The following GNRHR variants were observed in gnomAD, a reference collection of about 807,000 sequenced individuals.
GNRHR encodes the protein gonadotropin-releasing hormone receptor.
In GNRHR, 14 loss-of-function variants were observed where a neutral mutation model predicts 28.1. The observed-to-expected ratio is 0.50, with a 90% confidence interval of 0.33 to 0.78. The LOEUF is 0.78. GNRHR is among the 30% of genes least tolerant of loss of function. The pLI, the probability that GNRHR is intolerant of heterozygous loss-of-function variation, is 0.02. For missense variants in GNRHR, 366 were observed against 382.1 expected (o/e 0.96, Z 0.35); for synonymous variants, 141 against 140.5 (o/e 1.00, Z -0.02).
At chr4:67,753,004 T>G (rs1352642552) in intron 1 of GNRHR, among the ~76,000 whole-genome samples, 1 of 152,236 alleles carries the variant, frequency 6.6e-6, no homozygotes, top group Admixed American at 6.5e-5. Context: ...TTTGTTATTT[T>G]CAAGAATTTG....
intron 2 of GNRHR, among the ~76,000 whole-genome samples, 153 bp downstream of exon 2, chr4:67,744,415 A>T (rs1478785908): frequency 1.3e-5 from 2 of 152,238 alleles, no homozygotes; most frequent in East Asian, 3.8e-4. Context: ...CCATAATAAA[A>T]ATATTACCTT....
At chr4:67,753,776 A>T (rs1731913015) in intron 1 of GNRHR, 38 bp downstream of exon 1, 1 of 1,528,304 alleles carries the variant, frequency 6.5e-7, no homozygotes, top group African/African-American at 1.4e-5. Context: ...GAAATCTATG[A>T]TCACCATATC....
chr4:67,753,756 A>T, intron 1 of GNRHR, 58 bp downstream of exon 1: 1 of 1,427,114 alleles, frequency 7.0e-7, no homozygotes, highest in Non-Finnish European at 9.8e-7. Flanking sequence ...CTTATATCAA[A>T]TTTAGATAGG....
At chr4:67,751,543 C>G (rs1318334581) in intron 1 of GNRHR, 1 of 152,128 alleles carries the variant, frequency 6.6e-6, no homozygotes, top group East Asian at 1.9e-4. Flanking sequence ...ACATGAAATT[C>G]CTAAACAATT....
chr4:67,751,172 T>C (rs1191727104), intron 1 of GNRHR, among the ~76,000 whole-genome samples: 2 of 152,152 alleles, frequency 1.3e-5, no homozygotes, highest in African/African-American at 4.8e-5. Context: ...TTCATCAAAA[T>C]TTTTTCTCAG....
chr4:67,743,736 G>A (rs917241361), intron 2 of GNRHR, among the ~76,000 whole-genome samples: 3 of 151,900 alleles, frequency 2.0e-5, no homozygotes, highest in Admixed American at 6.6e-5. Flanking sequence ...GGAATCTCTC[G>A]AGATAAGATT....
intron 1 of GNRHR, among the ~76,000 whole-genome samples, chr4:67,751,182 G>GT (rs1424440537): frequency 3.3e-5 from 5 of 152,128 alleles, no homozygotes; most frequent in Non-Finnish European, 5.9e-5. Context: ...TTTTTTCTCA[G>GT]TTATATGTGT....
In GNRHR at chr4:67,744,568, C is replaced by CGTGG. The variant is rs771237011; in HGVS notation, c.738_741dup (p.Glu248ProfsTer47). On this transcript the variant is annotated frameshift_variant and splice_region_variant, in exon 2 of 3. Transcript: ENST00000226413. LOFTEE classifies it high-confidence loss of function. Reference sequence around the variant, plus strand: ...GACACTAACTCTAAGGAATACATACCGTGGGGGTCCTGATGAAGGACCCGT... The same window carrying CGTGG: ...GACACTAACTCTAAGGAATACATACCGTGGGTGGGGGTCCTGATGAAGGACCCGT... The CGTGG allele has an allele frequency of 2.6e-6, 4 of 1,556,422 alleles. No homozygotes were observed. Among genetic ancestry groups the CGTGG allele is most frequent in the Non-Finnish European group, 3.5e-6 (4 of 1,127,414 alleles).
intron 1 of GNRHR, among the ~76,000 whole-genome samples, chr4:67,750,763 CAAAG>C (rs1731851641): frequency 6.6e-6 from 1 of 151,718 alleles, no homozygotes; most frequent in East Asian, 1.9e-4. Context: ...GTATGTGCAC[CAAAG>C]GATGAAAATT....
intron 1 of GNRHR, among the ~76,000 whole-genome samples, chr4:67,750,693 A>T (rs1343851355): frequency 6.6e-6 from 1 of 152,080 alleles, no homozygotes; most frequent in Admixed American, 6.6e-5. Context: ...TGGTGAAAAC[A>T]TGTTTGTTAA....
At position 67,751,929 on chromosome 4, in the gene GNRHR, A is replaced by G. The variant is rs1026546368; in HGVS notation, c.522+1885T>C. Among the ~76,000 whole-genome samples the G allele has an allele frequency of 7.9e-5, 12 of 152,106 alleles. 1 individual carries two copies. The highest frequency in any genetic ancestry group is 1.8e-4 in the Non-Finnish European group (12 of 68,006). On this transcript the variant is annotated intron_variant, in intron 1 of 2. Transcript: ENST00000226413. ...CTACAAACAAACAGGCAGACAAACA[A>G]ACACTCCCCTTCCCACCGGATCATT...
chr4:67,740,785 A>G (rs1412538625), intron 2 of GNRHR, 61 bp from the exon 3 acceptor site: 9 of 1,250,904 alleles, frequency 7.2e-6, no homozygotes, highest in Non-Finnish European at 1.1e-5. Flanking sequence ...ACCAAAGTGG[A>G]CAAAAAGGAA....
Position 67,744,578 on chromosome 4 carries a change from C to A in GNRHR, c.732G>T (p.Gln244His). ...CTAAGGAATACATACCGTGGGGGTC[C>A]TGATGAAGGACCCGTGTCAGGGTGA... ...IIFTLTRVLHQDPHELQLNQS... is the reference protein window; with the variant it reads ...IIFTLTRVLHHDPHELQLNQS... Residue 244 changes from glutamine to histidine, a missense_variant, in exon 2 of 3, where the codon CAG becomes CAT. Transcript: ENST00000226413. 3 of 1,593,736 alleles carry A rather than the reference C, an allele frequency of 1.9e-6. No individual in the cohort carries two copies. Among genetic ancestry groups the A allele is most frequent in the Non-Finnish European group, 2.6e-6 (3 of 1,161,438 alleles).
rs191961829 is a variant in GNRHR at position 67,738,743 on chromosome 4, T to G, written c.*1737A>C. Among the ~76,000 whole-genome samples the G allele has an allele frequency of 3.9e-5, 6 of 152,160 alleles. No homozygotes were observed. Among genetic ancestry groups the G allele is most frequent in the Admixed American group, 3.9e-4 (6 of 15,274 alleles). On this transcript the variant is annotated 3_prime_UTR_variant, in exon 3 of 3. Transcript: ENST00000226413. ...GGTTTATGTGCCAACTTGAGCATTT[T>G]AGCACACTACAGAATTTTAGCCTTG...
intron 2 of GNRHR, 124 bp downstream of exon 2, chr4:67,744,444 T>A (rs1171055897): frequency 1.4e-6 from 1 of 696,290 alleles, no homozygotes; most frequent in East Asian, 2.7e-5. Context: ...ATTGTGAATA[T>A]TAAATGAGCT....
At chr4:67,750,572 A>G (rs1731847275) in intron 1 of GNRHR, among the ~76,000 whole-genome samples, 1 of 152,122 alleles carries the variant, frequency 6.6e-6, no homozygotes, top group African/African-American at 2.4e-5. Context: ...CACAGAACAT[A>G]GCTTCTGAGG....
At position 67,744,773 on chromosome 4, in the gene GNRHR, C is replaced by T. The variant is rs770203318; in HGVS notation, c.537G>A (p.Arg179=). ...CAGAGCTGTCTGCTAGATGAATCAT[C>T]CTGAAGATGTATAACTGTATGAGAC... ...VFAGPQLYIF[R]MIHLADSSGQ... is the part of the protein sequence containing the mutation. Residue 179 remains arginine (R), a synonymous_variant, in exon 2 of 3, where the codon AGG becomes AGA. Transcript: ENST00000226413. 2 of 1,566,874 alleles carry T rather than the reference C, an allele frequency of 1.3e-6. No individual in the cohort carries two copies. Among genetic ancestry groups the T allele is most frequent in the Non-Finnish European group, 1.8e-6 (2 of 1,136,896 alleles).
Position 67,740,523 on chromosome 4 carries a change from T to C in GNRHR, c.944A>G (p.Asn315Ser). The C allele has an allele frequency of 6.2e-7, 1 of 1,607,104 alleles. No homozygotes were observed. The highest frequency in any genetic ancestry group is 8.5e-7 in the Non-Finnish European group (1 of 1,173,752). ...NHFFFLFAFL[N>S]PCFDPLIYGY... is the part of the protein sequence containing the mutation. ...ATAGATAAGTGGATCAAAGCATGGGTTTAAAAAGGCAAAGAGAAAGAAGAA... is the reference window on the plus strand; with the variant it reads ...ATAGATAAGTGGATCAAAGCATGGGCTTAAAAAGGCAAAGAGAAAGAAGAA... Residue 315 changes from asparagine (N) to serine (S), a missense_variant, in exon 3 of 3, where the codon AAC becomes AGC. Physicochemically the swap from Asn to Ser is conservative, Grantham distance 46 (BLOSUM62 1). Transcript: ENST00000226413.
At chr4:67,744,488 A>G (rs1173999296) in intron 2 of GNRHR, 80 bp downstream of exon 2, 3 of 818,682 alleles carry the variant, frequency 3.7e-6, no homozygotes, top group Non-Finnish European at 6.5e-6. Flanking sequence ...AGTATCTGTC[A>G]CATAGTTCAT....
Sources: allele counts gnomAD v4.1 joint callset (sites outside exome capture counted in the v4.1 genomes callset), GRCh38; gene constraint gnomAD v4.1.1; transcripts MANE v1.5; gene names NCBI Gene and HGNC (gene_info 2026-07-23, HGNC 2026-07-21).